Variants in SEL1L2 observed in about 807,000 individuals in gnomAD.
SEL1L2 encodes the protein SEL1L2 adaptor subunit of SYVN1 ubiquitin ligase.
SEL1L2 carries 89 observed loss-of-function variants against 98.8 expected under a neutral mutation model. The observed-to-expected ratio is 0.90, with a 90% confidence interval of 0.76 to 1.07. The LOEUF (loss-of-function observed/expected upper bound fraction) is 1.07. SEL1L2 is among the 50% of genes least tolerant of loss of function. The pLI is 0.00. For synonymous variants in SEL1L2, 262 were observed against 278.5 expected (o/e 0.94, Z 0.59); for missense variants, 788 against 812.0 (o/e 0.97, Z 0.36).
At chr20:13,930,251 T>G (rs1326118305) in intron 3 of SEL1L2, among the ~76,000 whole-genome samples, 1 of 152,206 alleles carries the variant, frequency 6.6e-6, no homozygotes, top group East Asian at 1.9e-4. Context: ...AAGCAGGAAG[T>G]GAGGTGGGGC....
chr20:13,931,520 C>A (rs572584338), intron 3 of SEL1L2, 83 bp downstream of exon 3: 109 of 851,330 alleles, frequency 1.3e-4, no homozygotes, highest in Admixed American at 3.1e-4. Flanking sequence ...TATCCTAAGA[C>A]TTCTCAGAAA....
chr20:13,889,558 G>A (rs1365036544), intron 5 of SEL1L2, among the ~76,000 whole-genome samples: 1 of 152,108 alleles, frequency 6.6e-6, no homozygotes, highest in Non-Finnish European at 1.5e-5. Flanking sequence ...TTGGGAGGCT[G>A]AGGTGGGTGG....
intron 2 of SEL1L2, among the ~76,000 whole-genome samples, chr20:13,955,318 T>C (rs1160232095): frequency 2.6e-5 from 4 of 151,998 alleles, no homozygotes; most frequent in Non-Finnish European, 5.9e-5. Context: ...TGATTGTAAA[T>C]TTAGAGAAGG....
At chr20:13,942,306 G>A (rs1346289009) in intron 2 of SEL1L2, among the ~76,000 whole-genome samples, 1 of 152,186 alleles carries the variant, frequency 6.6e-6, no homozygotes, top group African/African-American at 2.4e-5. Flanking sequence ...TAAAGAGTAT[G>A]AACACTAGTG....
In SEL1L2 at chr20:13,897,890, A is replaced by C. The variant is rs562545806; in HGVS notation, c.550-9378T>G. Reference sequence around the variant, plus strand: ...TCAAAAACAAAAAAACAAAACAAAAAAAAACCCCACAATAAGATATTACTT... The same window carrying C: ...TCAAAAACAAAAAAACAAAACAAAACAAAACCCCACAATAAGATATTACTT... On this transcript the variant is annotated intron_variant, in intron 5 of 19. Transcript: ENST00000284951. 3.3e-4 allele frequency among the ~76,000 whole-genome samples: 41 copies of C among 123,684 alleles called. 1 individual carries two copies. The highest frequency in any genetic ancestry group is 2.5e-3 in the South Asian group (11 of 4,316). 81.1% of individuals were successfully genotyped at this position (123,684 alleles called of 152,430 possible).
upstream of SEL1L2, among the ~76,000 whole-genome samples, chr20:13,991,678 A>G (rs1277136910): frequency 6.6e-6 from 1 of 152,166 alleles, no homozygotes; most frequent in Non-Finnish European, 1.5e-5. Context: ...ATGATCCAGA[A>G]CAATCTCTCT....
chr20:13,904,402 C>T (rs1185421572), intron 5 of SEL1L2, among the ~76,000 whole-genome samples: 1 of 151,998 alleles, frequency 6.6e-6, no homozygotes, highest in Non-Finnish European at 1.5e-5. Flanking sequence ...GTGGTGTGAG[C>T]CTATAATCCC....
At chr20:13,901,647 T>A (rs1156694805) in intron 5 of SEL1L2, among the ~76,000 whole-genome samples, 1 of 151,504 alleles carries the variant, frequency 6.6e-6, no homozygotes, top group African/African-American at 2.4e-5. Flanking sequence ...TTTTTTTAAA[T>A]TTTTTTTGCA....
intron 2 of SEL1L2, among the ~76,000 whole-genome samples, chr20:13,936,610 C>G (rs1818643207): frequency 6.6e-6 from 1 of 152,166 alleles, no homozygotes; most frequent in Non-Finnish European, 1.5e-5. Context: ...CATCCCCAAC[C>G]AATCAGCAGC....
At position 13,849,700 on chromosome 20, in the gene SEL1L2, T is replaced by G. The variant is rs1009731175; in HGVS notation, c.1948-96A>C. The G allele has an allele frequency of 2.3e-5, 32 of 1,380,474 alleles. No homozygotes were observed. In the African/African-American group the frequency reaches 4.3e-4, roughly 19 times the overall value. 85.5% of individuals were successfully genotyped at this position (1,380,474 alleles called of 1,614,324 possible). ...CCAAACCCACCACCACCAACCCTCC[T>G]CCCACCCATTCCCTTTGCTTCCTTC... is the stretch of plus-strand genomic sequence containing the variant. On this transcript the variant is annotated intron_variant, in intron 19 of 19. Transcript: ENST00000284951.
chr20:13,851,040 C>A (rs1368984364), intron 18 of SEL1L2, among the ~76,000 whole-genome samples: 4 of 152,096 alleles, frequency 2.6e-5, no homozygotes, highest in Non-Finnish European at 4.4e-5. Context: ...AGTTCAAGAC[C>A]AGTCTGGCCA....
intron 3 of SEL1L2, among the ~76,000 whole-genome samples, chr20:13,919,567 C>CA (rs11482090): frequency 0.015 from 2,336 of 152,262 alleles, 57 homozygotes; most frequent in East Asian, 0.09. Context: ...AGGACATGGG[C>CA]AACAGGCATC....
chr20:13,931,104 C>T (rs569799214), intron 3 of SEL1L2, among the ~76,000 whole-genome samples: 9 of 150,248 alleles, frequency 6.0e-5, no homozygotes, highest in East Asian at 2.0e-4. Flanking sequence ...AGTACAGTGG[C>T]GCGATCTTGG....
intron 5 of SEL1L2, among the ~76,000 whole-genome samples, chr20:13,898,227 A>T (rs934128035): frequency 6.6e-6 from 1 of 152,150 alleles, no homozygotes; most frequent in African/African-American, 2.4e-5. Flanking sequence ...GAAGTCTATA[A>T]AAAGAGCAGT....
chr20:13,972,423 G>C (rs980749146), intron 1 of SEL1L2, among the ~76,000 whole-genome samples: 2 of 152,108 alleles, frequency 1.3e-5, no homozygotes, highest in African/African-American at 4.8e-5. Flanking sequence ...AGAAATCTCT[G>C]TGATTGTTGT....
intron 4 of SEL1L2, among the ~76,000 whole-genome samples, chr20:13,915,836 C>A (rs975847291): frequency 6.6e-6 from 1 of 152,106 alleles, no homozygotes; most frequent in Non-Finnish European, 1.5e-5. Flanking sequence ...GCAGCAGGGG[C>A]AGATCCTAAA....
chr20:13,867,453 G>T (rs761142063), intron 14 of SEL1L2, among the ~76,000 whole-genome samples: 10 of 152,200 alleles, frequency 6.6e-5, no homozygotes, highest in Non-Finnish European at 8.8e-5. Context: ...AAAAGTGAAG[G>T]CTTTCCTTAG....
At chr20:13,933,296 T>A (rs1013685838) in intron 2 of SEL1L2, among the ~76,000 whole-genome samples, 9 of 152,266 alleles carry the variant, frequency 5.9e-5, no homozygotes, top group Non-Finnish European at 1.2e-4. Context: ...CCATTTAAAG[T>A]GTACAATTCA....
chr20:13,967,771 A>G (rs1416578246), intron 1 of SEL1L2, among the ~76,000 whole-genome samples: 1 of 152,152 alleles, frequency 6.6e-6, no homozygotes, highest in South Asian at 2.1e-4. Flanking sequence ...CCCAACCTCT[A>G]TGCTCTGAGA....
Sources: gnomAD v4.1 joint callset for allele counts (sites outside exome capture counted in the v4.1 genomes callset) on GRCh38, gnomAD v4.1.1 for gene constraint, MANE v1.5 for transcripts, NCBI Gene and HGNC (gene_info 2026-07-23, HGNC 2026-07-21) for gene names.